Variants in AOAH observed in about 807,000 individuals in gnomAD.
AOAH encodes acyloxyacyl hydrolase.
A neutral mutation model predicts 92.2 loss-of-function variants in AOAH; 64 were observed. The observed-to-expected ratio is 0.69, with a 90% confidence interval of 0.57 to 0.86. The LOEUF (loss-of-function observed/expected upper bound fraction) is 0.86, where lower values mean the gene tolerates loss of function less well. AOAH is among the 40% of genes least tolerant of loss of function. The pLI is 0.00. For synonymous variants in AOAH, 263 were observed against 254.5 expected, an observed-to-expected ratio of 1.03 and a Z score of -0.32; for missense variants, 656 against 694.6, an observed-to-expected ratio of 0.94 and a Z score of 0.62.
chr7:36,523,625 G>A (rs1398845780), intron 19 of AOAH, among the ~76,000 whole-genome samples: 1 of 82,424 alleles, frequency 1.2e-5, no homozygotes, highest in African/African-American at 4.6e-5. Context: ...GGCCTGTTTT[G>A]CCTGTTTTTT....
At chr7:36,539,901 T>C (rs1785306644) in intron 16 of AOAH, among the ~76,000 whole-genome samples, 1 of 152,158 alleles carries the variant, frequency 6.6e-6, no homozygotes, top group South Asian at 2.1e-4. Context: ...AAGCAGGAAA[T>C]GAGCAGGCTG....
chr7:36,560,988 A>G (rs1297092591), intron 13 of AOAH, among the ~76,000 whole-genome samples: 2 of 151,740 alleles, frequency 1.3e-5, no homozygotes, highest in Non-Finnish European at 2.9e-5. Flanking sequence ...CACAGCCTCA[A>G]TACTTTCTGA....
chr7:36,601,276 C>T (rs949494756), intron 11 of AOAH, among the ~76,000 whole-genome samples: 6 of 152,116 alleles, frequency 3.9e-5, no homozygotes, highest in East Asian at 1.9e-4. Flanking sequence ...TATAATCTCC[C>T]GTGTGTGAGA....
In AOAH at chr7:36,536,251, G is replaced by A. The variant is rs186338530; in HGVS notation, c.1307-3907C>T. Reference sequence around the variant, plus strand: ...AGCAGAGACTGTGTCACTGACCAGGGGGTCTCCTACCATGCCTCTGTTTCC... The same window carrying A: ...AGCAGAGACTGTGTCACTGACCAGGAGGTCTCCTACCATGCCTCTGTTTCC... On this transcript the variant is annotated intron_variant, in intron 16 of 20. Coordinates refer to ENST00000617537, the MANE Select transcript of AOAH (RefSeq NM_001637.4). Among the ~76,000 whole-genome samples, 232 of 152,248 alleles carry A rather than the reference G, an allele frequency of 1.5e-3. 1 individual carries two copies. Among genetic ancestry groups the A allele is most frequent in the African/African-American group, 5.3e-3 (219 of 41,520 alleles).
intron 1 of AOAH, among the ~76,000 whole-genome samples, chr7:36,687,878 A>G (rs1249055834): frequency 6.6e-6 from 1 of 152,294 alleles, no homozygotes; most frequent in East Asian, 1.9e-4. Flanking sequence ...GGACATTCCT[A>G]TACATAAAGA....
intron 6 of AOAH, 113 bp from the exon 7 acceptor site, chr7:36,623,363 G>C: frequency 1.1e-6 from 1 of 910,954 alleles, no homozygotes; most frequent in Non-Finnish European, 1.7e-6. Flanking sequence ...ATGCCACAGA[G>C]GGCCATTCTA....
At chr7:36,651,123 C>T (rs11770267) in intron 4 of AOAH, among the ~76,000 whole-genome samples, 21,168 of 152,234 alleles carry the variant, frequency 0.14, 1,836 homozygotes, top group Non-Finnish European at 0.19. Flanking sequence ...GCTCAGCCCT[C>T]GTCTGCTGGG....
At chr7:36,594,946 A>C (rs1027990776) in intron 11 of AOAH, among the ~76,000 whole-genome samples, 2 of 152,154 alleles carry the variant, frequency 1.3e-5, no homozygotes, top group Admixed American at 1.3e-4. Context: ...CCCCACAAAA[A>C]TGCACGTGTA....
intron 4 of AOAH, among the ~76,000 whole-genome samples, chr7:36,646,229 A>C (rs766637080): frequency 6.6e-6 from 1 of 152,236 alleles, no homozygotes; most frequent in Non-Finnish European, 1.5e-5. Flanking sequence ...TCTTAACTCT[A>C]CTTTGTAAAT....
In AOAH at chr7:36,632,121, AAAAAC is replaced by A. The variant is rs907225588; in HGVS notation, c.451-20_451-16del. The A allele has an allele frequency of 6.3e-7, 1 of 1,599,508 alleles. No homozygotes were observed. Among genetic ancestry groups the A allele is most frequent in the Admixed American group, 1.7e-5 (1 of 58,004 alleles). On this transcript the variant is annotated splice_polypyrimidine_tract_variant and intron_variant, in intron 5 of 20. Coordinates refer to ENST00000617537, the MANE Select transcript of AOAH (RefSeq NM_001637.4). ...CTAGAATATTTCTGGGGAGAAAAAAAAAAACAAAAAGAGAGTTGTTTAGTTTAAGG... is the reference window on the plus strand; with the variant it reads ...CTAGAATATTTCTGGGGAGAAAAAAAAAAAAGAGAGTTGTTTAGTTTAAGG...
chr7:36,659,749 T>C (rs1416905430), intron 3 of AOAH, among the ~76,000 whole-genome samples: 1 of 125,088 alleles, frequency 8.0e-6, no homozygotes, highest in African/African-American at 3.4e-5. Flanking sequence ...TATTTCTTTT[T>C]TCTTTCTTTT....
intron 1 of AOAH, among the ~76,000 whole-genome samples, chr7:36,721,969 A>ACC: frequency 6.6e-6 from 1 of 152,162 alleles, no homozygotes; most frequent in East Asian, 1.9e-4. Context: ...AAAGCCTACT[A>ACC]CCCAAGATAG....
intron 13 of AOAH, among the ~76,000 whole-genome samples, chr7:36,563,147 CAAAAAAAAAAAAAAAAAAAAAAAAA>C (rs60240330): frequency 2.8e-5 from 1 of 36,052 alleles, no homozygotes; most frequent in African/African-American, 9.5e-5. Flanking sequence ...AACTCCGTCT[CAAAAAAAAAAAAAAAAAAAAAAAAA>C]AAAAAAAAAA....
intron 11 of AOAH, among the ~76,000 whole-genome samples, chr7:36,598,776 C>G (rs559887006): frequency 5.3e-5 from 8 of 152,180 alleles, no homozygotes; most frequent in African/African-American, 1.9e-4. Context: ...TAGACCCTAG[C>G]AAAAAGAGAA....
chr7:36,631,351 A>ATCTC (rs1491106008), intron 6 of AOAH, among the ~76,000 whole-genome samples: 2,046 of 63,862 alleles, frequency 0.032, 38 homozygotes, highest in African/African-American at 0.11. Flanking sequence ...CCATCATCTC[A>ATCTC]AAAAAAAAAA....
chr7:36,722,935 GAAAAAAAAAAAA>G (rs11407908), intron 1 of AOAH, among the ~76,000 whole-genome samples: 1,015 of 49,528 alleles, frequency 0.02, 29 homozygotes, highest in African/African-American at 0.075. Context: ...ATCCATCTCA[GAAAAAAAAAAAA>G]AAAAAAAAAA....
intron 1 of AOAH, among the ~76,000 whole-genome samples, chr7:36,708,878 A>T (rs1023279495): frequency 1.3e-5 from 2 of 152,156 alleles, no homozygotes; most frequent in African/African-American, 4.8e-5. Context: ...AAGGTGTGGT[A>T]ACCCTACAAT....
chr7:36,667,314 T>C (rs1170761438), intron 3 of AOAH, among the ~76,000 whole-genome samples: 1 of 152,220 alleles, frequency 6.6e-6, no homozygotes, highest in African/African-American at 2.4e-5. Context: ...AGCATACCCA[T>C]GCTGTATACA....
At chr7:36,673,539 GA>G (rs1796056365) in intron 3 of AOAH, among the ~76,000 whole-genome samples, 1 of 151,988 alleles carries the variant, frequency 6.6e-6, no homozygotes, top group Non-Finnish European at 1.5e-5. Flanking sequence ...TCTGTCTCAG[GA>G]AAAGAAAAAA....
Sources: gnomAD v4.1 joint callset for allele counts (sites outside exome capture counted in the v4.1 genomes callset) on GRCh38, gnomAD v4.1.1 for gene constraint, MANE v1.5 for transcripts, NCBI Gene and HGNC (gene_info 2026-07-23, HGNC 2026-07-21) for gene names.